NDST3: variants seen among roughly 807,000 people sequenced by gnomAD.
NDST3 encodes N-deacetylase and N-sulfotransferase 3.
Under a neutral mutation model 96.1 loss-of-function variants are expected in NDST3, and 58 were observed. The ratio of observed to expected loss-of-function variants is 0.60; its 90% CI spans 0.49 to 0.75. The LOEUF (loss-of-function observed/expected upper bound fraction) is 0.75. Ranked by LOEUF, NDST3 falls within the 30% of genes least tolerant of loss-of-function variation. The pLI is 0.00. For missense variants in NDST3, 788 were observed against 1,034.2 expected (o/e 0.76, Z 3.27); for synonymous variants, 333 against 359.7 (o/e 0.93, Z 0.84).
rs1200657080 is a variant in NDST3, at chr4:118,241,985, A to G, written c.2290-55A>G. The G allele has an allele frequency of 2.3e-6, 3 of 1,294,940 alleles. No individual in the cohort carries two copies. The African/African-American group carries it at 4.4e-5, about 19-fold the overall frequency. The allele number at this position is 1,294,940 out of a possible 1,614,324, so 80.2% of individuals were successfully genotyped here. ...TGAGTTTAGAATGCAGAAATTTTTC[A>G]TTATACAGTTTACATGTCTTTTTTC... On this transcript the variant is annotated intron_variant, in intron 11 of 13. Coordinates refer to ENST00000296499, the MANE Select transcript of NDST3 (RefSeq NM_004784.3).
intron 6 of NDST3, among the ~76,000 whole-genome samples, chr4:118,223,881 T>C (rs1418818900): frequency 6.6e-6 from 1 of 152,136 alleles, no homozygotes; most frequent in Non-Finnish European, 1.5e-5. Context: ...GAAGAATTCA[T>C]TTGTCAACAC....
intron 9 of NDST3, among the ~76,000 whole-genome samples, chr4:118,235,949 GC>G (rs1740615806): frequency 6.6e-6 from 1 of 152,102 alleles, no homozygotes; most frequent in Middle Eastern, 3.2e-3. Context: ...CCTACCAGAA[GC>G]TTTATCATGT....
intron 12 of NDST3, among the ~76,000 whole-genome samples, chr4:118,243,081 G>A (rs1460830787): frequency 2.0e-5 from 3 of 151,246 alleles, no homozygotes; most frequent in East Asian, 1.9e-4. Context: ...GACTCACACC[G>A]TAAGTTGGTT....
chr4:118,046,254 C>G (rs1724754855), intron 1 of NDST3, among the ~76,000 whole-genome samples: 1 of 152,140 alleles, frequency 6.6e-6, no homozygotes, highest in Non-Finnish European at 1.5e-5. Context: ...TAGAGGGCCC[C>G]GCATCCCCCA....
At position 118,233,119 on chromosome 4, in the gene NDST3, C is replaced by T. The variant is rs1161516807; in HGVS notation, c.1927C>T (p.His643Tyr). ...EVQFFNRNNY[H>Y]RGIDWYMDFF... ...ACAGTTCTTTAATAGAAATAACTAC[C>T]ACAGGGGGATTGATTGGTAAGATGG... Residue 643 changes from histidine to tyrosine, a missense_variant, in exon 9 of 14, where the codon CAC becomes TAC. By Grantham distance (83) the His-to-Tyr change is moderately conservative. This residue lies in a region of NDST3 where 490 missense variants were observed against 708.8 expected (regional missense o/e 0.69). Transcript: ENST00000296499. The T allele has an allele frequency of 1.2e-6, 2 of 1,612,154 alleles. No homozygotes were observed. Among genetic ancestry groups the T allele is most frequent in the Non-Finnish European group, 1.7e-6 (2 of 1,178,556 alleles).
At chr4:118,194,088 T>A in intron 6 of NDST3, 1 of 1,421,322 alleles carries the variant, frequency 7.0e-7, no homozygotes, top group African/African-American at 1.4e-5. Flanking sequence ...AACTTTTCCT[T>A]CCTAACACTG....
At chr4:118,239,903 T>C (rs1174796873) in intron 10 of NDST3, among the ~76,000 whole-genome samples, 2 of 145,864 alleles carry the variant, frequency 1.4e-5, no homozygotes, top group Admixed American at 6.7e-5. Flanking sequence ...GTTGGATTGC[T>C]GCTTTCTGCA....
rs1020291073 is a variant in NDST3, at chr4:118,208,405, C to T, written c.1540-16086C>T. On this transcript the variant is annotated intron_variant, in intron 6 of 13. Coordinates refer to ENST00000296499, the MANE Select transcript of NDST3 (RefSeq NM_004784.3). The stretch of plus-strand genomic sequence containing the variant: ...CTTTCCCCCATCTCTGCAGAGATGC[C>T]TTTCTAGGTATTTTGCTTTTAATTA... 1.6e-4 allele frequency among the ~76,000 whole-genome samples: 23 copies of T among 143,884 alleles called. 3 individuals carry two copies. Among genetic ancestry groups the T allele is most frequent in the Middle Eastern group, 3.3e-3 (1 of 302 alleles). 94.4% of individuals were successfully genotyped at this position (143,884 alleles called of 152,430 possible).
At chr4:118,060,961 C>T (rs555565499) in intron 2 of NDST3, among the ~76,000 whole-genome samples, 21 of 152,216 alleles carry the variant, frequency 1.4e-4, no homozygotes, top group Non-Finnish European at 2.8e-4. Context: ...CTACTGTTTC[C>T]TTTGCCAACT....
chr4:118,149,330 C>G (rs1008354907), intron 6 of NDST3, among the ~76,000 whole-genome samples: 4 of 151,932 alleles, frequency 2.6e-5, no homozygotes, highest in Admixed American at 6.6e-5. Context: ...CATTGAATCT[C>G]TAAATTACCT....
chr4:118,211,227 T>C (rs1006116820), intron 6 of NDST3, among the ~76,000 whole-genome samples: 3 of 152,278 alleles, frequency 2.0e-5, no homozygotes, highest in African/African-American at 4.8e-5. Flanking sequence ...TTCTGTCACC[T>C]AAGAGATTAG....
chr4:118,166,188 C>G (rs1735537974), intron 6 of NDST3, among the ~76,000 whole-genome samples: 1 of 151,376 alleles, frequency 6.6e-6, no homozygotes, highest in African/African-American at 2.4e-5. Context: ...AGGAAGAAGA[C>G]TCAAATAAAT....
intron 1 of NDST3, among the ~76,000 whole-genome samples, chr4:118,042,096 CTA>C (rs1423411015): frequency 6.6e-6 from 1 of 152,164 alleles, no homozygotes; most frequent in Non-Finnish European, 1.5e-5. Context: ...CTACATCCAA[CTA>C]TGTTATATAA....
At chr4:118,177,863 GT>G (rs1736370657) in intron 6 of NDST3, among the ~76,000 whole-genome samples, 5 of 151,924 alleles carry the variant, frequency 3.3e-5, no homozygotes, top group Admixed American at 3.3e-4. Flanking sequence ...AGGTGAAGGA[GT>G]GGAGAAGGCA....
At chr4:118,050,405 TC>T (rs1302524692) in intron 1 of NDST3, among the ~76,000 whole-genome samples, 7 of 151,918 alleles carry the variant, frequency 4.6e-5, no homozygotes, top group Non-Finnish European at 7.4e-5. Context: ...AAATAAAGCA[TC>T]CAAATAGAAA....
At chr4:118,254,679 A>G (rs977198261) in intron 13 of NDST3, among the ~76,000 whole-genome samples, 1 of 152,318 alleles carries the variant, frequency 6.6e-6, no homozygotes, top group Non-Finnish European at 1.5e-5. Flanking sequence ...TTTAGATCTC[A>G]GAAATTAAAA....
At chr4:118,196,615 T>A (rs1017844848) in intron 6 of NDST3, among the ~76,000 whole-genome samples, 2 of 152,154 alleles carry the variant, frequency 1.3e-5, no homozygotes, top group African/African-American at 4.8e-5. Context: ...TTCTTCTAGA[T>A]TTTCCAATTT....
Position 118,054,705 on chromosome 4 carries a change from T to C in NDST3, c.795T>C (p.Asp265=), listed in dbSNP as rs1448942427. Residue 265 remains aspartate (D), a synonymous_variant, in exon 2 of 14, where the codon GAT becomes GAC. Coordinates refer to ENST00000296499, the MANE Select transcript of NDST3 (RefSeq NM_004784.3). ...TTATACATGACCTGGGGCTTCATGA[T>C]GGAATTCAAAGGGTTCTTTTTGGCA... ...ATIIHDLGLH[D]GIQRVLFGNN... The C allele has an allele frequency of 1.9e-6, 3 of 1,613,296 alleles. No homozygotes were observed. The highest frequency in any genetic ancestry group is 1.3e-5 in the African/African-American group (1 of 74,878).
At chr4:118,122,498 C>CT (rs1164258230) in intron 4 of NDST3, among the ~76,000 whole-genome samples, 1 of 151,432 alleles carries the variant, frequency 6.6e-6, no homozygotes. Flanking sequence ...TTTTTTCTTT[C>CT]TTTTGTACCA....
Sources: gnomAD v4.1 joint callset for allele counts (sites outside exome capture counted in the v4.1 genomes callset) on GRCh38, gnomAD v4.1.1 for gene constraint, gnomAD v4.1.1 regional missense constraint, MANE v1.5 for transcripts, NCBI Gene and HGNC (gene_info 2026-07-23, HGNC 2026-07-21) for gene names.